C12orf42: variants seen among roughly 807,000 people sequenced by gnomAD.
C12orf42 encodes uncharacterized protein C12orf42.
A neutral mutation model predicts 21.6 loss-of-function variants in C12orf42; 25 were observed. The observed-to-expected ratio is 1.16, with a 90% CI of 0.84 to 1.62. The LOEUF (loss-of-function observed/expected upper bound fraction) is 1.62, where lower values mean the gene tolerates loss of function less well. C12orf42 is among the 40% of genes most tolerant of loss of function. The pLI, the probability that C12orf42 is intolerant of heterozygous loss-of-function variation, is 0.00. For synonymous variants in C12orf42, 174 were observed against 175.0 expected, an observed-to-expected ratio of 0.99 and a Z score of 0.05; for missense variants, 483 against 459.3, an observed-to-expected ratio of 1.05 and a Z score of -0.47.
chr12:103,132,818 G>A, the C12orf42 span, among the ~76,000 whole-genome samples: 616 of 152,276 alleles, frequency 4.0e-3, 2 homozygotes, highest in African/African-American at 0.014. Flanking sequence ...TGGGGCCAAA[G>A]CTCAAATGAA....
intron 4 of C12orf42, among the ~76,000 whole-genome samples, chr12:103,338,611 T>A (rs1264002461): frequency 2.0e-5 from 3 of 152,232 alleles, no homozygotes; most frequent in Non-Finnish European, 4.4e-5. Context: ...CTCCACAAGA[T>A]AAGAGCCTCC....
At chr12:103,544,714 T>A in the C12orf42 span, among the ~76,000 whole-genome samples, 2 of 152,344 alleles carry the variant, frequency 1.3e-5, no homozygotes, top group African/African-American at 4.8e-5. Context: ...TTGTGCTTCA[T>A]TCTGAATACT....
intron 2 of C12orf42, among the ~76,000 whole-genome samples, chr12:103,414,874 T>C (rs2138990650): frequency 6.6e-6 from 1 of 152,318 alleles, no homozygotes; most frequent in Admixed American, 6.5e-5. Context: ...ATGCCTTTTA[T>C]TTCTTTCTCT....
chr12:103,066,390 AC>A, the C12orf42 span, among the ~76,000 whole-genome samples: 2 of 152,034 alleles, frequency 1.3e-5, no homozygotes, highest in Non-Finnish European at 2.9e-5. Flanking sequence ...CACTCCTGCC[AC>A]CCTGCCTTAT....
chr12:103,053,193 T>C, the C12orf42 span, among the ~76,000 whole-genome samples: 3,425 of 152,048 alleles, frequency 0.023, 57 homozygotes, highest in African/African-American at 0.044. Context: ...GAGATAATTG[T>C]GTATTTGCAT....
At chr12:103,331,066 T>C (rs947466583) in intron 4 of C12orf42, among the ~76,000 whole-genome samples, 3 of 152,248 alleles carry the variant, frequency 2.0e-5, no homozygotes, top group Admixed American at 6.5e-5. Flanking sequence ...GCTCTTTGAC[T>C]TATTATGAGG....
intron 4 of C12orf42, among the ~76,000 whole-genome samples, chr12:103,361,004 A>G (rs1452268775): frequency 6.6e-6 from 1 of 151,982 alleles, no homozygotes; most frequent in Non-Finnish European, 1.5e-5. Context: ...GATCTGGGGG[A>G]AAAAAATGTT....
chr12:103,448,106 T>A (rs1169881603), intron 2 of C12orf42, among the ~76,000 whole-genome samples: 1 of 151,810 alleles, frequency 6.6e-6, no homozygotes, highest in African/African-American at 2.4e-5. Flanking sequence ...CACAGACCAA[T>A]GGAACAGAAT....
At chr12:103,318,288 A>ATGT (rs1593408464) in intron 4 of C12orf42, among the ~76,000 whole-genome samples, 1 of 152,176 alleles carries the variant, frequency 6.6e-6, no homozygotes. Context: ...CATCTCAAAA[A>ATGT]AAAACAAAAA....
At chr12:103,104,768 G>A in the C12orf42 span, among the ~76,000 whole-genome samples, 4 of 152,198 alleles carry the variant, frequency 2.6e-5, no homozygotes, top group Admixed American at 2.6e-4. Flanking sequence ...AGAAAACAAA[G>A]AAGATATGGC....
At chr12:103,225,754 T>C in the C12orf42 span, among the ~76,000 whole-genome samples, 1 of 152,144 alleles carries the variant, frequency 6.6e-6, no homozygotes, top group Non-Finnish European at 1.5e-5. Context: ...TTTAGAAGCC[T>C]GACCATCAAT....
chr12:103,083,790 G>A, the C12orf42 span, among the ~76,000 whole-genome samples: 575 of 152,284 alleles, frequency 3.8e-3, 2 homozygotes, highest in Non-Finnish European at 6.9e-3. Context: ...AATGAAGTAT[G>A]CAAAATTTTT....
intron 3 of C12orf42, among the ~76,000 whole-genome samples, chr12:103,386,265 C>G (rs1332231650): frequency 6.6e-6 from 1 of 152,140 alleles, no homozygotes; most frequent in Non-Finnish European, 1.5e-5. Context: ...TTGTCACACA[C>G]TCAAGCAGTA....
intron 4 of C12orf42, among the ~76,000 whole-genome samples, chr12:103,346,832 C>T (rs1342899519): frequency 6.6e-6 from 1 of 152,144 alleles, no homozygotes; most frequent in African/African-American, 2.4e-5. Context: ...GAAGCAAAGA[C>T]TAGTGCATGA....
chr12:103,514,288 G>A, the C12orf42 span, among the ~76,000 whole-genome samples: 1 of 152,196 alleles, frequency 6.6e-6, no homozygotes, highest in African/African-American at 2.4e-5. Context: ...AATTCAAGAT[G>A]AGATTTGGAT....
chr12:103,499,825 T>C (rs1465919059), upstream of C12orf42, among the ~76,000 whole-genome samples: 1 of 152,204 alleles, frequency 6.6e-6, no homozygotes, highest in Non-Finnish European at 1.5e-5. Context: ...CTTTGAACTT[T>C]ATCAGACATA....
At chr12:103,190,406 ATC>A in the C12orf42 span, among the ~76,000 whole-genome samples, 2 of 152,004 alleles carry the variant, frequency 1.3e-5, no homozygotes, top group Non-Finnish European at 2.9e-5. Flanking sequence ...CCCTCACAAC[ATC>A]TCCACTGACA....
chr12:103,216,552 AT>A, the C12orf42 span, among the ~76,000 whole-genome samples: 3 of 150,346 alleles, frequency 2.0e-5, no homozygotes, highest in Non-Finnish European at 4.4e-5. Context: ...TTTTTTTTGT[AT>A]TTTTTTAGTA....
At chr12:103,187,216 A>G in the C12orf42 span, among the ~76,000 whole-genome samples, 1 of 152,176 alleles carries the variant, frequency 6.6e-6, no homozygotes, top group Non-Finnish European at 1.5e-5. Context: ...AGGGCCACAC[A>G]CTATTTTAAG....
Sources: allele counts gnomAD v4.1 joint callset (sites outside exome capture counted in the v4.1 genomes callset), GRCh38; gene constraint gnomAD v4.1.1; transcripts MANE v1.5; gene names NCBI Gene and HGNC (gene_info 2026-07-23, HGNC 2026-07-21).